Variants in RABGAP1L observed in about 807,000 individuals in gnomAD.
RABGAP1L encodes rab GTPase-activating protein 1-like.
RABGAP1L carries 63 observed loss-of-function variants against 137.7 expected under a neutral mutation model. The ratio of observed to expected loss-of-function variants is 0.46; its 90% CI spans 0.37 to 0.56. The LOEUF is 0.56. Ranked by LOEUF, RABGAP1L falls within the 20% of genes least tolerant of loss-of-function variation. The probability of loss-of-function intolerance (pLI) is 0.00; values close to 1 mark genes in which losing one functional copy is unlikely to be tolerated. For synonymous variants in RABGAP1L, 431 were observed against 433.7 expected (o/e 0.99, Z 0.08); for missense variants, 1,095 against 1,244.0 (o/e 0.88, Z 1.80).
At chr1:174,968,832 A>T (rs922969056) in intron 20 of RABGAP1L, among the ~76,000 whole-genome samples, 3 of 152,188 alleles carry the variant, frequency 2.0e-5, no homozygotes, top group Non-Finnish European at 4.4e-5. Context: ...CCTGTCTTAG[A>T]AAAACAATTT....
chr1:174,959,324 A>T (rs1370602991), intron 20 of RABGAP1L, among the ~76,000 whole-genome samples: 1 of 152,202 alleles, frequency 6.6e-6, no homozygotes, highest in East Asian at 1.9e-4. Flanking sequence ...TATCATTCAG[A>T]TTTTCTTATT....
intron 13 of RABGAP1L, among the ~76,000 whole-genome samples, chr1:174,474,680 G>C (rs1658305198): frequency 6.6e-6 from 1 of 152,106 alleles, no homozygotes. Context: ...TTAGCTCACT[G>C]CAACCTCCTC....
intron 13 of RABGAP1L, among the ~76,000 whole-genome samples, chr1:174,565,136 G>T (rs1667484976): frequency 6.6e-6 from 1 of 152,258 alleles, no homozygotes; most frequent in South Asian, 2.1e-4. Flanking sequence ...TGGAAGAAGG[G>T]ATTATTAGAT....
intron 13 of RABGAP1L, among the ~76,000 whole-genome samples, chr1:174,615,581 C>T (rs10912817): frequency 0.36 from 53,995 of 152,036 alleles, 12,365 homozygotes; most frequent in African/African-American, 0.65. Context: ...CAGCTGTGTG[C>T]TGAGAGAACC....
intron 14 of RABGAP1L, among the ~76,000 whole-genome samples, chr1:174,651,960 G>A (rs1557951769): frequency 6.6e-6 from 1 of 152,124 alleles, no homozygotes; most frequent in Non-Finnish European, 1.5e-5. Flanking sequence ...GCATGGTTTT[G>A]CAGTGGCTGG....
intron 19 of RABGAP1L, among the ~76,000 whole-genome samples, chr1:174,881,361 TA>T (rs1245456340): frequency 6.6e-6 from 1 of 152,118 alleles, no homozygotes; most frequent in African/African-American, 2.4e-5. Flanking sequence ...TGGGGTATTA[TA>T]AAACTTTCTG....
intron 13 of RABGAP1L, among the ~76,000 whole-genome samples, chr1:174,588,026 G>C (rs1394238999): frequency 6.6e-6 from 1 of 151,976 alleles, no homozygotes; most frequent in Admixed American, 6.6e-5. Context: ...ACCAGGCTTG[G>C]CTAAGTTTTT....
intron 10 of RABGAP1L, among the ~76,000 whole-genome samples, chr1:174,285,754 T>G (rs1365908785): frequency 1.3e-5 from 2 of 152,218 alleles, no homozygotes; most frequent in South Asian, 2.1e-4. Context: ...TCTTATTTTT[T>G]GGGGTACATT....
chr1:174,266,059 A>C (rs1674043503), intron 7 of RABGAP1L, among the ~76,000 whole-genome samples: 1 of 152,192 alleles, frequency 6.6e-6, no homozygotes, highest in Non-Finnish European at 1.5e-5. Flanking sequence ...TCTTCCTATT[A>C]CTGATATCAC....
chr1:174,672,572 T>C (rs1229125825), intron 14 of RABGAP1L, among the ~76,000 whole-genome samples: 1 of 152,238 alleles, frequency 6.6e-6, no homozygotes, highest in East Asian at 1.9e-4. Flanking sequence ...ATTTGCAACC[T>C]GTCTTCTTTG....
intron 1 of RABGAP1L, among the ~76,000 whole-genome samples, chr1:174,181,224 T>C (rs762298891): frequency 6.6e-6 from 1 of 152,228 alleles, no homozygotes; most frequent in Non-Finnish European, 1.5e-5. Context: ...CAGGTTGGTC[T>C]TGAATTCCTA....
chr1:174,673,363 A>G (rs917859770), intron 14 of RABGAP1L, among the ~76,000 whole-genome samples: 7 of 152,162 alleles, frequency 4.6e-5, no homozygotes, highest in East Asian at 3.8e-4. Context: ...AAGGAGAACA[A>G]TGGACCATAA....
chr1:174,711,596 A>G (rs561924521), intron 17 of RABGAP1L, among the ~76,000 whole-genome samples: 12 of 152,224 alleles, frequency 7.9e-5, no homozygotes, highest in African/African-American at 2.9e-4. Context: ...CACCCGCACC[A>G]CGCTCGAATT....
chr1:174,776,589 G>T (rs1686543602), intron 18 of RABGAP1L, among the ~76,000 whole-genome samples: 1 of 152,060 alleles, frequency 6.6e-6, no homozygotes, highest in Non-Finnish European at 1.5e-5. Flanking sequence ...CTTTTTGCTT[G>T]CATTCAGTTC....
At chr1:174,885,598 C>T (rs1253316673) in intron 19 of RABGAP1L, among the ~76,000 whole-genome samples, 1 of 151,994 alleles carries the variant, frequency 6.6e-6, no homozygotes, top group African/African-American at 2.4e-5. Flanking sequence ...TCAAGTGATC[C>T]TCCCCCCTCG....
intron 7 of RABGAP1L, among the ~76,000 whole-genome samples, chr1:174,264,935 CT>C (rs1296017350): frequency 6.6e-6 from 1 of 152,014 alleles, no homozygotes; most frequent in Non-Finnish European, 1.5e-5. Context: ...AATGTAGGTA[CT>C]TTTGCTATAA....
chr1:174,843,007 A>C (rs1485203154), intron 19 of RABGAP1L, among the ~76,000 whole-genome samples: 1 of 152,136 alleles, frequency 6.6e-6, no homozygotes, highest in African/African-American at 2.4e-5. Context: ...ACATTTTGTA[A>C]ACACCACTAA....
At chr1:174,560,334 G>T (rs189262933) in intron 13 of RABGAP1L, among the ~76,000 whole-genome samples, 4 of 152,162 alleles carry the variant, frequency 2.6e-5, no homozygotes, top group Non-Finnish European at 4.4e-5. Flanking sequence ...CCATATATCA[G>T]TTCTTTTTTC....
chr1:174,975,358 T>A (rs1273375488), intron 21 of RABGAP1L, among the ~76,000 whole-genome samples: 1 of 152,234 alleles, frequency 6.6e-6, no homozygotes, highest in South Asian at 2.1e-4. Context: ...CCATGTGAAC[T>A]TGAAGCCGAG....
Sources: allele counts gnomAD v4.1 joint callset (sites outside exome capture counted in the v4.1 genomes callset), GRCh38; gene constraint gnomAD v4.1.1; transcripts MANE v1.5; gene names NCBI Gene and HGNC (gene_info 2026-07-23, HGNC 2026-07-21).